The following IL1RAPL1 variants were observed in gnomAD, a reference collection of about 807,000 sequenced individuals.
The protein encoded by IL1RAPL1 is interleukin 1 receptor accessory protein like 1.
A neutral mutation model predicts 48.4 loss-of-function variants in IL1RAPL1; 3 were observed. The observed-to-expected ratio is 0.06, with a 90% CI of 0.03 to 0.16. IL1RAPL1 has a LOEUF of 0.16. IL1RAPL1 is among the 10% of genes least tolerant of loss of function. The pLI is 1.00. For missense variants in IL1RAPL1, 349 were observed against 530.6 expected (o/e 0.66, Z 3.36); for synonymous variants, 185 against 187.7 (o/e 0.99, Z 0.12).
chrX:29,425,721 A>G (rs1244646339), intron 5 of IL1RAPL1, among the ~76,000 whole-genome samples: 2 of 110,460 alleles, frequency 1.8e-5, no homozygotes, highest in Non-Finnish European at 3.8e-5. Flanking sequence ...CTGGGACTAC[A>G]GTTGCACACC....
At chrX:29,947,396 C>A (rs1297123580) in intron 9 of IL1RAPL1, among the ~76,000 whole-genome samples, 1 of 110,961 alleles carries the variant, frequency 9.0e-6, no homozygotes, top group Admixed American at 9.6e-5. Flanking sequence ...CATAATGACG[C>A]CAGGGCAAGC....
intron 1 of IL1RAPL1, among the ~76,000 whole-genome samples, chrX:28,725,045 G>A (rs1210059643): frequency 3.8e-5 from 4 of 104,354 alleles, no homozygotes; most frequent in African/African-American, 1.1e-4. Context: ...TCTGCCTCCC[G>A]GGTTCACGCC....
intron 2 of IL1RAPL1, among the ~76,000 whole-genome samples, chrX:29,213,751 T>C (rs1189849857): frequency 1.8e-5 from 2 of 112,281 alleles, no homozygotes; most frequent in Non-Finnish European, 3.8e-5. Flanking sequence ...TTCATCTTAG[T>C]CTTTACTTCG....
intron 2 of IL1RAPL1, among the ~76,000 whole-genome samples, chrX:28,961,679 T>C (rs1924782488): frequency 9.0e-6 from 1 of 111,646 alleles, no homozygotes; most frequent in African/African-American, 3.3e-5. Context: ...GGACATGAAC[T>C]CATTCTTTTT....
At chrX:28,920,668 A>G (rs112302323) in intron 2 of IL1RAPL1, among the ~76,000 whole-genome samples, 1,682 of 111,827 alleles carry the variant, frequency 0.015, 29 homozygotes, top group African/African-American at 0.052. Flanking sequence ...ATTTATTAGT[A>G]TCTGGCAGTC....
rs541698344 is a variant in IL1RAPL1, at chrX:28,907,007, A to G, written c.82+117582A>G. Among the ~76,000 whole-genome samples the G allele has an allele frequency of 2.4e-4, 27 of 111,686 alleles. No individual in the cohort carries two copies. In the South Asian group the frequency reaches 0.01, roughly 42 times the overall value. Reference sequence around the variant, plus strand: ...TTAGTTGTGAAAAATAGCCTTGATGATACTCTGAGGAAAAGTAACCAGGTT... The same window carrying G: ...TTAGTTGTGAAAAATAGCCTTGATGGTACTCTGAGGAAAAGTAACCAGGTT... On this transcript the variant is annotated intron_variant, in intron 2 of 10. Transcript: ENST00000378993.
chrX:29,665,421 TTG>T (rs1925973079), intron 5 of IL1RAPL1, among the ~76,000 whole-genome samples: 1 of 112,766 alleles, frequency 8.9e-6, no homozygotes, highest in African/African-American at 3.2e-5. Flanking sequence ...GTTTTTGTGG[TTG>T]TGTGTATGTT....
chrX:28,637,232 C>T (rs1934476028), intron 1 of IL1RAPL1, among the ~76,000 whole-genome samples: 1 of 111,252 alleles, frequency 9.0e-6, no homozygotes, highest in Non-Finnish European at 1.9e-5. Context: ...ATAGCCCTTT[C>T]TAATCTCTGA....
chrX:28,703,418 T>C (rs1935325713), intron 1 of IL1RAPL1, among the ~76,000 whole-genome samples: 1 of 111,879 alleles, frequency 8.9e-6, no homozygotes, highest in Admixed American at 9.5e-5. Flanking sequence ...GAGAAGATTT[T>C]ATCTGTGCAG....
intron 1 of IL1RAPL1, among the ~76,000 whole-genome samples, chrX:28,644,531 C>T (rs1319989389): frequency 1.8e-5 from 2 of 111,413 alleles, no homozygotes; most frequent in African/African-American, 3.3e-5. Context: ...GCCTTGCACT[C>T]AGAAGATTCA....
At chrX:28,773,112 C>G (rs1490121508) in intron 1 of IL1RAPL1, among the ~76,000 whole-genome samples, 1 of 110,522 alleles carries the variant, frequency 9.0e-6, no homozygotes, top group African/African-American at 3.3e-5. Flanking sequence ...TTCATTCTGT[C>G]GCTCAGGCTG....
At chrX:29,221,291 C>T (rs1930969443) in intron 2 of IL1RAPL1, among the ~76,000 whole-genome samples, 1 of 111,532 alleles carries the variant, frequency 9.0e-6, no homozygotes, top group African/African-American at 3.3e-5. Context: ...ATGTAGTTAA[C>T]AAAAATTAAA....
chrX:28,837,682 CTTTTTTTTTTTTTT>C (rs58666924), intron 2 of IL1RAPL1, among the ~76,000 whole-genome samples: 1 of 37,220 alleles, frequency 2.7e-5, no homozygotes, highest in African/African-American at 1.1e-4. Flanking sequence ...CATTCCACTT[CTTTTTTTTTTTTTT>C]TTTTTTTTTT....
At chrX:28,762,815 CACACACACAGAGAGAGAGAGAGAGAG>C (rs773087046) in intron 1 of IL1RAPL1, among the ~76,000 whole-genome samples, 2,251 of 52,601 alleles carry the variant, frequency 0.043, 35 homozygotes, top group East Asian at 0.13. Flanking sequence ...CACACACACA[CACACACACAGAGAGAGAGAGAGAGAG>C]AGAGAGAGAG....
chrX:29,676,491 T>G (rs950146089), intron 6 of IL1RAPL1, among the ~76,000 whole-genome samples: 2 of 111,992 alleles, frequency 1.8e-5, no homozygotes, highest in African/African-American at 6.5e-5. Flanking sequence ...TACTAAATTT[T>G]TGTATTTCAA....
chrX:28,748,998 C>T (rs1936009779), intron 1 of IL1RAPL1, among the ~76,000 whole-genome samples: 1 of 111,767 alleles, frequency 8.9e-6, no homozygotes, highest in African/African-American at 3.2e-5. Flanking sequence ...TTAAAAAACC[C>T]ACATGAATGA....
At chrX:29,431,293 C>T (rs1375485988) in intron 5 of IL1RAPL1, among the ~76,000 whole-genome samples, 1 of 112,043 alleles carries the variant, frequency 8.9e-6, no homozygotes, top group African/African-American at 3.2e-5. Flanking sequence ...TTCACATCTT[C>T]CTTTTTTGAT....
At chrX:29,881,621 C>A (rs775674835) in intron 6 of IL1RAPL1, among the ~76,000 whole-genome samples, 1 of 110,335 alleles carries the variant, frequency 9.1e-6, no homozygotes, top group Non-Finnish European at 1.9e-5. Context: ...TACAGGCATG[C>A]AATGTGAAAT....
At chrX:29,421,407 C>T (rs759253564) in intron 5 of IL1RAPL1, among the ~76,000 whole-genome samples, 20 of 111,005 alleles carry the variant, frequency 1.8e-4, no homozygotes, top group Admixed American at 1.3e-3. Flanking sequence ...CACTCCCACA[C>T]ATACCCCCAC....
Sources: gnomAD v4.1 joint callset for allele counts (sites outside exome capture counted in the v4.1 genomes callset) on GRCh38, gnomAD v4.1.1 for gene constraint, MANE v1.5 for transcripts, NCBI Gene and HGNC (gene_info 2026-07-23, HGNC 2026-07-21) for gene names.